Variants in BEST3 observed in about 807,000 individuals in gnomAD.
The protein encoded by BEST3 is bestrophin-3.
A neutral mutation model predicts 47.1 loss-of-function variants in BEST3; 50 were observed. The ratio of observed to expected loss-of-function variants is 1.06; its 90% confidence interval spans 0.85 to 1.34. The LOEUF is 1.34. Among genes scored for constraint, BEST3 ranks in the 40% most tolerant of loss-of-function variants. The pLI, the probability that BEST3 is intolerant of heterozygous loss-of-function variation, is 0.00. For synonymous variants in BEST3, 282 were observed against 298.8 expected (o/e 0.94, Z 0.58); for missense variants, 765 against 817.0 (o/e 0.94, Z 0.78).
chr12:69,652,955 C>G (rs139373184), downstream of BEST3, among the ~76,000 whole-genome samples: 635 of 152,310 alleles, frequency 4.2e-3, 4 homozygotes, highest in African/African-American at 0.015. Flanking sequence ...GATGCTAACA[C>G]TACCAACCAA....
chr12:69,686,035 G>A (rs1193478456), intron 4 of BEST3, among the ~76,000 whole-genome samples: 2 of 152,090 alleles, frequency 1.3e-5, no homozygotes, highest in African/African-American at 4.8e-5. Flanking sequence ...AGACTACAGA[G>A]GGGTGACTTA....
At chr12:69,683,404 A>G (rs1293257732) in intron 4 of BEST3, 1 of 152,260 alleles carries the variant, frequency 6.6e-6, no homozygotes, top group African/African-American at 2.4e-5. Flanking sequence ...AAAGGAAAAT[A>G]TCTTGGGTCC....
chr12:69,684,769 G>A (rs1270101940), intron 4 of BEST3, among the ~76,000 whole-genome samples: 4 of 152,204 alleles, frequency 2.6e-5, no homozygotes, highest in African/African-American at 4.8e-5. Context: ...TCCATTCAAT[G>A]GAAGAGGTTT....
chr12:69,654,672 G>T lies in BEST3; in HGVS notation c.*235C>A. ...AGACTTATTTGGCTAAATCACTGTG[G>T]TCTGTGTAACTTCTGATGAAAGCCA... On this transcript the variant is annotated 3_prime_UTR_variant, in exon 10 of 10. Transcript: ENST00000330891. 1 of 1,272,062 alleles carries T rather than the reference G, an allele frequency of 7.9e-7. No individual in the cohort carries two copies. The highest frequency in any genetic ancestry group is 9.9e-7 in the Non-Finnish European group (1 of 1,008,284). The allele number at this position is 1,272,062 out of a possible 1,614,324, so 78.8% of individuals were successfully genotyped here.
At chr12:69,697,567 A>G (rs1310594431) in intron 2 of BEST3, 80 bp downstream of exon 2, 3 of 1,185,966 alleles carry the variant, frequency 2.5e-6, no homozygotes, top group Non-Finnish European at 3.5e-6. Context: ...AGTCAGTGGC[A>G]ATCAAAAGGT....
Position 69,671,428 on chromosome 12 carries a change from C to T in BEST3, c.1100G>A (p.Gly367Glu). ...AGAGATTTTTTAAAAATGCACTTAC[C>T]CCATCTGGACTGTTGACCCCAGAAA... ...PSFLGSTVQMGLSGSDFPDEE... is the reference protein window; with the variant it reads ...PSFLGSTVQMELSGSDFPDEE... The change falls in exon 9 of 10, where the codon GGG (glycine) becomes GAG (glutamate). Residue 367 changes from glycine to glutamate, a missense_variant and splice_region_variant. Coordinates refer to ENST00000330891, the MANE Select transcript of BEST3 (RefSeq NM_032735.3). 15 of 1,609,072 alleles carry T rather than the reference C, an allele frequency of 9.3e-6. No homozygotes were observed. Among genetic ancestry groups the T allele is most frequent in the Non-Finnish European group, 1.1e-5 (13 of 1,177,260 alleles).
chr12:69,672,382 G>A lies in BEST3; in HGVS notation c.948+503C>T, dbSNP rs1392206417. ...AAGCTCTCTGGAATAGTGCTTCAGG[G>A]TAAGTGCCCTGGGGCCCATTTAGTG... is the stretch of plus-strand genomic sequence containing the variant. On this transcript the variant is annotated intron_variant, in intron 8 of 9. Transcript: ENST00000330891. Among the ~76,000 whole-genome samples, 3 of 152,234 alleles carry A rather than the reference G, an allele frequency of 2.0e-5. No individual in the cohort carries two copies. The South Asian group carries it at 6.2e-4, about 32-fold the overall frequency.
In BEST3 at chr12:69,661,730, C is replaced by T. The variant is rs189551740; in HGVS notation, c.1101-5917G>A. 2.3e-3 allele frequency among the ~76,000 whole-genome samples: 345 copies of T among 152,284 alleles called. 3 individuals carry two copies. Among genetic ancestry groups the T allele is most frequent in the African/African-American group, 7.9e-3 (328 of 41,550 alleles). On this transcript the variant is annotated intron_variant, in intron 9 of 9. Transcript: ENST00000330891. ...CAAATATTGTATTCATCCAGCCTCCCTCAACCCTCTTTCAGGTGGACAGTT... is the reference window on the plus strand; with the variant it reads ...CAAATATTGTATTCATCCAGCCTCCTTCAACCCTCTTTCAGGTGGACAGTT...
chr12:69,687,869 T>C (rs1885723540), intron 4 of BEST3, among the ~76,000 whole-genome samples: 2 of 152,192 alleles, frequency 1.3e-5, no homozygotes, highest in Admixed American at 6.5e-5. Flanking sequence ...TAATTTAAGA[T>C]AAGATTTGTA....
At chr12:69,645,064 C>A (rs946646693) in intron 9 of BEST3, among the ~76,000 whole-genome samples, 1 of 151,982 alleles carries the variant, frequency 6.6e-6, no homozygotes, top group Non-Finnish European at 1.5e-5. Flanking sequence ...CTATGGGGGG[C>A]CTCTTTTCTT....
At chr12:69,676,869 C>A in intron 7 of BEST3, 47 bp downstream of exon 7, 1 of 1,582,506 alleles carries the variant, frequency 6.3e-7, no homozygotes, top group South Asian at 1.1e-5. Flanking sequence ...TGTGGAGAGT[C>A]TGGAACATAA....
At chr12:69,665,920 G>T (rs901333372) in intron 9 of BEST3, among the ~76,000 whole-genome samples, 1 of 152,132 alleles carries the variant, frequency 6.6e-6, no homozygotes, top group Non-Finnish European at 1.5e-5. Context: ...AGATAAAGGC[G>T]GGTGGAGAAT....
chr12:69,677,337 G>A, intron 5 of BEST3, 80 bp from the exon 6 acceptor site: 1 of 1,266,314 alleles, frequency 7.9e-7, no homozygotes, highest in Non-Finnish European at 1.1e-6. Context: ...CAGAATGTGA[G>A]CATGTCTTTT....
chr12:69,672,261 A>G (rs991495382), intron 8 of BEST3, among the ~76,000 whole-genome samples: 2 of 152,228 alleles, frequency 1.3e-5, no homozygotes, highest in African/African-American at 4.8e-5. Flanking sequence ...AAGGGCTTGA[A>G]ACAAATGAAA....
At chr12:69,651,271 C>T (rs1315913554), downstream of BEST3, among the ~76,000 whole-genome samples, 2 of 152,202 alleles carry the variant, frequency 1.3e-5, no homozygotes, top group East Asian at 3.9e-4. Context: ...AGCCTCCTCT[C>T]ACGATGCCTC....
intron 4 of BEST3, chr12:69,684,665 T>A (rs1433521971): frequency 1.7e-6 from 1 of 592,402 alleles, no homozygotes. Context: ...GATGACACTT[T>A]TTCAGGAAGA....
chr12:69,694,263 C>G, intron 3 of BEST3, 107 bp downstream of exon 3: 2 of 701,652 alleles, frequency 2.9e-6, no homozygotes, highest in Non-Finnish European at 4.7e-6. Context: ...CAAGCGGTGG[C>G]TTTTCAGGCA....
Position 69,654,350 on chromosome 12 carries a change from C to T in BEST3, c.*557G>A, listed in dbSNP as rs945831571. On this transcript the variant is annotated 3_prime_UTR_variant, in exon 10 of 10. Transcript: ENST00000330891. Reference sequence around the variant, plus strand: ...ATTAAGTGTTCTGGTGCTGATGAAGCTTAAGAATCAGGAAGTGATAATAAC... The same window carrying T: ...ATTAAGTGTTCTGGTGCTGATGAAGTTTAAGAATCAGGAAGTGATAATAAC... 17 of 984,764 alleles carry T rather than the reference C, an allele frequency of 1.7e-5. No homozygotes were observed. In the African/African-American group the frequency reaches 3.0e-4, roughly 17 times the overall value. 61.0% of individuals were successfully genotyped at this position (984,764 alleles called of 1,614,324 possible).
chr12:69,643,584 T>A (rs1882941481), exon 10 of BEST3: 1 of 564,644 alleles, frequency 1.8e-6, no homozygotes, highest in East Asian at 3.0e-5. Context: ...GAACTCCACA[T>A]GCCTGGATGC....
Sources: allele counts gnomAD v4.1 joint callset (sites outside exome capture counted in the v4.1 genomes callset), GRCh38; gene constraint gnomAD v4.1.1; transcripts MANE v1.5; gene names NCBI Gene and HGNC (gene_info 2026-07-23, HGNC 2026-07-21).